CACNA2D3: variants seen among roughly 807,000 people sequenced by gnomAD.
CACNA2D3 encodes the protein calcium voltage-gated channel auxiliary subunit alpha2delta 3.
CACNA2D3 carries 60 observed loss-of-function variants against 160.6 expected under a neutral mutation model. The observed-to-expected ratio is 0.37, with a 90% CI of 0.30 to 0.46. The LOEUF (loss-of-function observed/expected upper bound fraction) is 0.46. Ranked by LOEUF, CACNA2D3 falls within the 20% of genes least tolerant of loss-of-function variation. The pLI is 1.00. For synonymous variants in CACNA2D3, 558 were observed against 492.9 expected (o/e 1.13, Z -1.75); for missense variants, 1,205 against 1,365.0 (o/e 0.88, Z 1.85).
intron 29 of CACNA2D3, among the ~76,000 whole-genome samples, chr3:54,981,487 A>T (rs1411280589): frequency 6.6e-6 from 1 of 151,958 alleles, no homozygotes; most frequent in East Asian, 1.9e-4. Context: ...CATTCAACCC[A>T]TTGGGAGCGA....
intron 10 of CACNA2D3, chr3:54,632,585 C>G (rs141257416): frequency 3.9e-5 from 6 of 152,284 alleles, no homozygotes; most frequent in African/African-American, 1.4e-4. Flanking sequence ...GTTGGAAGGA[C>G]AATGTCCAGA....
intron 6 of CACNA2D3, among the ~76,000 whole-genome samples, chr3:54,568,171 C>T (rs1483497383): frequency 1.3e-5 from 2 of 152,198 alleles, no homozygotes; most frequent in Non-Finnish European, 2.9e-5. Context: ...CATAGGTTGT[C>T]TTAAATGAAA....
intron 27 of CACNA2D3, chr3:54,918,382 T>G: frequency 1.9e-6 from 1 of 538,884 alleles, no homozygotes; most frequent in Non-Finnish European, 2.8e-6. Flanking sequence ...AAAATCAGAC[T>G]AACAGGAAAC....
chr3:54,979,505 G>A lies in CACNA2D3; in HGVS notation c.2557-5103G>A, dbSNP rs370397808. 1.4e-3 allele frequency among the ~76,000 whole-genome samples: 210 copies of A among 152,200 alleles called. 1 individual carries two copies. Among genetic ancestry groups the A allele is most frequent in the Middle Eastern group, 6.8e-3 (2 of 294 alleles). On this transcript the variant is annotated intron_variant, in intron 29 of 37. Transcript: ENST00000474759. ...AAACAAATATTCTCTAAATTTTTTC[G>A]CAGAAGTATAGTTTACTCAATTGTT...
chr3:54,916,502 G>T (rs1411297621), intron 27 of CACNA2D3, among the ~76,000 whole-genome samples: 1 of 152,016 alleles, frequency 6.6e-6, no homozygotes. Context: ...AGTTTCTTTC[G>T]ATATTCAGAA....
At chr3:54,123,122 C>T (rs1368640686) in intron 1 of CACNA2D3, among the ~76,000 whole-genome samples, 1 of 151,600 alleles carries the variant, frequency 6.6e-6, no homozygotes, top group Non-Finnish European at 1.5e-5. Context: ...CGCTGAATTT[C>T]CCCCCTCTTT....
At chr3:54,490,463 T>C (rs923211543) in intron 4 of CACNA2D3, among the ~76,000 whole-genome samples, 1 of 152,238 alleles carries the variant, frequency 6.6e-6, no homozygotes, top group Non-Finnish European at 1.5e-5. Context: ...TAATTCTTCC[T>C]CTGGCTTGAT....
chr3:54,795,153 C>T (rs1399800581), intron 13 of CACNA2D3, among the ~76,000 whole-genome samples: 3 of 152,018 alleles, frequency 2.0e-5, no homozygotes, highest in African/African-American at 7.2e-5. Context: ...ACTTCTTCTG[C>T]CATGTCTCAT....
intron 4 of CACNA2D3, among the ~76,000 whole-genome samples, chr3:54,413,168 G>T (rs1699697315): frequency 6.6e-6 from 1 of 151,574 alleles, no homozygotes; most frequent in Admixed American, 6.6e-5. Flanking sequence ...ATAGAATTGT[G>T]AATTGACAGC....
chr3:54,287,320 A>T (rs1199381558), intron 2 of CACNA2D3, among the ~76,000 whole-genome samples: 2 of 152,188 alleles, frequency 1.3e-5, no homozygotes, highest in East Asian at 1.9e-4. Flanking sequence ...AGATCAAAAG[A>T]GACAAAGAAG....
intron 3 of CACNA2D3, among the ~76,000 whole-genome samples, chr3:54,380,695 TGGGCAATA>T (rs888475641): frequency 2.0e-5 from 3 of 151,910 alleles, no homozygotes; most frequent in African/African-American, 7.3e-5. Flanking sequence ...CGAGATCACC[TGGGCAATA>T]GAGTGAGACT....
At chr3:54,857,174 T>TG (rs1323926684) in intron 17 of CACNA2D3, among the ~76,000 whole-genome samples, 2 of 152,132 alleles carry the variant, frequency 1.3e-5, no homozygotes, top group Non-Finnish European at 2.9e-5. Context: ...CTCTGAGGCA[T>TG]GGGGATGGTG....
chr3:54,906,577 C>T (rs890642689), intron 27 of CACNA2D3, among the ~76,000 whole-genome samples: 1 of 152,152 alleles, frequency 6.6e-6, no homozygotes, highest in Admixed American at 6.5e-5. Context: ...GTCCATATTC[C>T]ACGTGGGTGC....
intron 9 of CACNA2D3, among the ~76,000 whole-genome samples, chr3:54,583,417 C>A (rs925646193): frequency 6.6e-6 from 1 of 152,188 alleles, no homozygotes; most frequent in African/African-American, 2.4e-5. Flanking sequence ...ATCTGGACTT[C>A]TTATTCTGCC....
intron 35 of CACNA2D3, among the ~76,000 whole-genome samples, chr3:55,032,012 T>G (rs922939164): frequency 3.3e-5 from 5 of 152,244 alleles, no homozygotes; most frequent in African/African-American, 9.6e-5. Flanking sequence ...TCTAAGCCTA[T>G]ATGAGAATTC....
chr3:54,208,971 C>G (rs1559882983), intron 2 of CACNA2D3, among the ~76,000 whole-genome samples: 1 of 152,148 alleles, frequency 6.6e-6, no homozygotes, highest in East Asian at 1.9e-4. Context: ...GAATGAGAAC[C>G]AAATGAAAGG....
At position 55,073,901 on chromosome 3, in the gene CACNA2D3, TCAC is replaced by T. The variant is rs1559480439; in HGVS notation, c.3183+46_3183+48del. 3 of 1,511,874 alleles carry T rather than the reference TCAC, an allele frequency of 2.0e-6. No individual in the cohort carries two copies. In the Admixed American group the frequency reaches 5.1e-5, roughly 26 times the overall value. 93.7% of individuals were successfully genotyped at this position (1,511,874 alleles called of 1,614,324 possible). A position where few individuals can be genotyped will look rare whatever the true frequency, so the allele number is the denominator to read the frequency against. ...TTCCTGTTTCCTTTTCCCATCAGAA[TCAC>T]CACGAGAGTCTCACACTGGTCAAAG... On this transcript the variant is annotated intron_variant, in intron 37 of 37. Transcript: ENST00000474759.
intron 2 of CACNA2D3, among the ~76,000 whole-genome samples, chr3:54,305,885 G>T (rs7431577): frequency 0.72 from 109,154 of 152,142 alleles, 39,289 homozygotes; most frequent in Non-Finnish European, 0.74. Flanking sequence ...ATCACAGATC[G>T]TTTCCTGTGA....
intron 2 of CACNA2D3, among the ~76,000 whole-genome samples, chr3:54,221,927 C>T (rs574084023): frequency 6.6e-6 from 1 of 152,070 alleles, no homozygotes; most frequent in South Asian, 2.1e-4. Flanking sequence ...TAGTTCACTG[C>T]AGCCTTGAAC....
Sources: allele counts gnomAD v4.1 joint callset (sites outside exome capture counted in the v4.1 genomes callset), GRCh38; gene constraint gnomAD v4.1.1; transcripts MANE v1.5; gene names NCBI Gene and HGNC (gene_info 2026-07-23, HGNC 2026-07-21).